The following SORCS3 variants were observed in gnomAD, a reference collection of about 807,000 sequenced individuals.
SORCS3 encodes sortilin related VPS10 domain containing receptor 3.
Under a neutral mutation model 146.3 loss-of-function variants are expected in SORCS3, and 57 were observed. That is an observed-to-expected ratio of 0.39 (90% CI 0.31 to 0.49). The LOEUF (loss-of-function observed/expected upper bound fraction) is 0.49, where lower values mean the gene tolerates loss of function less well. SORCS3 is among the 20% of genes least tolerant of loss of function. SORCS3 has a pLI of 0.92. For missense variants in SORCS3, 1,341 were observed against 1,575.5 expected (o/e 0.85, Z 2.52); for synonymous variants, 653 against 618.5 (o/e 1.06, Z -0.83).
intron 2 of SORCS3, among the ~76,000 whole-genome samples, chr10:104,896,491 C>T (rs566367824): frequency 1.3e-5 from 2 of 152,296 alleles, no homozygotes; most frequent in South Asian, 4.2e-4. Flanking sequence ...AGTGTGAGTG[C>T]AGATTTCGAT....
chr10:105,109,792 A>T (rs1289054408), intron 7 of SORCS3, among the ~76,000 whole-genome samples: 1 of 152,102 alleles, frequency 6.6e-6, no homozygotes, highest in African/African-American at 2.4e-5. Context: ...GATACAATAT[A>T]TTATATCAAA....
At chr10:105,251,285 A>G (rs892001618) in intron 22 of SORCS3, among the ~76,000 whole-genome samples, 1 of 152,152 alleles carries the variant, frequency 6.6e-6, no homozygotes, top group African/African-American at 2.4e-5. Context: ...ATTAGCTCTC[A>G]TGAGAACTCA....
At chr10:104,720,095 T>A (rs1306822414) in intron 1 of SORCS3, among the ~76,000 whole-genome samples, 1 of 152,116 alleles carries the variant, frequency 6.6e-6, no homozygotes, top group South Asian at 2.1e-4. Context: ...CATTTAACAA[T>A]AGGTATATCT....
At chr10:104,872,634 C>A (rs955559566) in intron 2 of SORCS3, among the ~76,000 whole-genome samples, 2 of 144,310 alleles carry the variant, frequency 1.4e-5, no homozygotes, top group African/African-American at 5.2e-5. Flanking sequence ...ACTTAGGAAT[C>A]TCTGAAATAG....
At chr10:105,126,498 G>C (rs1212575855) in intron 7 of SORCS3, among the ~76,000 whole-genome samples, 2 of 152,128 alleles carry the variant, frequency 1.3e-5, no homozygotes, top group East Asian at 3.9e-4. Context: ...TCAGTGTTTA[G>C]AACCTACTCT....
intron 1 of SORCS3, among the ~76,000 whole-genome samples, chr10:104,678,670 G>A (rs939497153): frequency 2.6e-5 from 4 of 152,212 alleles, no homozygotes; most frequent in Admixed American, 6.5e-5. Context: ...GTATTTCCTA[G>A]CCAGTAGAGT....
intron 20 of SORCS3, among the ~76,000 whole-genome samples, chr10:105,234,924 T>C: frequency 6.6e-6 from 1 of 152,118 alleles, no homozygotes; most frequent in Non-Finnish European, 1.5e-5. Context: ...AATTTTTTTC[T>C]TCACAGCTGG....
intron 4 of SORCS3, among the ~76,000 whole-genome samples, chr10:104,997,133 G>A (rs1432718925): frequency 6.6e-6 from 1 of 152,116 alleles, no homozygotes; most frequent in Non-Finnish European, 1.5e-5. Context: ...TAGGAAATGT[G>A]ATCAGAAAGT....
intron 6 of SORCS3, among the ~76,000 whole-genome samples, chr10:105,097,182 A>C (rs967947145): frequency 6.6e-6 from 1 of 152,198 alleles, no homozygotes; most frequent in Admixed American, 6.5e-5. Flanking sequence ...TCTTGTTTAT[A>C]TATCGGAATC....
chr10:105,236,783 T>C (rs1034487841), intron 20 of SORCS3, among the ~76,000 whole-genome samples: 1 of 152,152 alleles, frequency 6.6e-6, no homozygotes, highest in Non-Finnish European at 1.5e-5. Flanking sequence ...TAATTATCTG[T>C]GTTAAATTGA....
chr10:104,726,292 C>T (rs527473333), intron 1 of SORCS3, among the ~76,000 whole-genome samples: 4 of 152,332 alleles, frequency 2.6e-5, no homozygotes, highest in African/African-American at 7.2e-5. Flanking sequence ...AACATCTGGT[C>T]TTGTCTTGTC....
chr10:104,831,793 CA>C (rs1285071501), intron 1 of SORCS3, among the ~76,000 whole-genome samples: 4 of 152,068 alleles, frequency 2.6e-5, no homozygotes, highest in African/African-American at 9.7e-5. Flanking sequence ...CTTGCTGGGT[CA>C]CAGAACAGTC....
intron 3 of SORCS3, among the ~76,000 whole-genome samples, chr10:104,942,008 T>G (rs1406127627): frequency 1.3e-5 from 2 of 152,240 alleles, no homozygotes; most frequent in East Asian, 1.9e-4. Flanking sequence ...TATTAAATTC[T>G]CAATAAATCT....
chr10:104,813,807 GA>G lies in SORCS3; in HGVS notation c.628-28975del, dbSNP rs369455149. 1.6e-4 allele frequency among the ~76,000 whole-genome samples: 23 copies of G among 147,712 alleles called. No homozygotes were observed. The East Asian group carries it at 1.8e-3, about 11-fold the overall frequency. On this transcript the variant is annotated intron_variant, in intron 1 of 26. Coordinates refer to ENST00000369701, the MANE Select transcript of SORCS3 (RefSeq NM_014978.3). ...GACGATAATGTTTTCATGGGTTTGAGAAAAAAAAAATTTCTTCCACCATTGT... is the reference window on the plus strand; with the variant it reads ...GACGATAATGTTTTCATGGGTTTGAGAAAAAAAAATTTCTTCCACCATTGT...
At chr10:105,262,257 C>T in intron 25 of SORCS3, 74 bp from the exon 26 acceptor site, 5 of 1,383,748 alleles carry the variant, frequency 3.6e-6, no homozygotes, top group Non-Finnish European at 5.1e-6. Context: ...CTCCCCTTAT[C>T]CCCCAGGATT....
At chr10:105,255,614 C>G (rs1403429801) in intron 23 of SORCS3, 88 bp from the exon 24 acceptor site, 12 of 830,664 alleles carry the variant, frequency 1.4e-5, no homozygotes, top group Non-Finnish European at 8.0e-6. Flanking sequence ...TGACTTTTTA[C>G]CTATTGACCT....
chr10:105,076,667 C>A (rs2055591373), intron 5 of SORCS3, among the ~76,000 whole-genome samples: 1 of 152,158 alleles, frequency 6.6e-6, no homozygotes, highest in Admixed American at 6.5e-5. Context: ...ACTTTTGAAG[C>A]CCCAACCCTT....
intron 4 of SORCS3, among the ~76,000 whole-genome samples, chr10:105,004,000 C>CTTTTTTTTTTTTTTTTTTTTTTTTTTTTT: frequency 7.1e-6 from 1 of 140,228 alleles, no homozygotes; most frequent in Non-Finnish European, 1.5e-5. Context: ...TCTTCTCTCT[C>CTTTTTTTTTTTTTTTTTTTTTTTTTTTTT]TTTTTTTTTT....
At chr10:104,712,179 A>G (rs2016426296) in intron 1 of SORCS3, among the ~76,000 whole-genome samples, 1 of 152,030 alleles carries the variant, frequency 6.6e-6, no homozygotes. Context: ...GAATCCGGTT[A>G]ACAACCTTGT....
Sources: gnomAD v4.1 joint callset for allele counts (sites outside exome capture counted in the v4.1 genomes callset) on GRCh38, gnomAD v4.1.1 for gene constraint, MANE v1.5 for transcripts, NCBI Gene and HGNC (gene_info 2026-07-23, HGNC 2026-07-21) for gene names.